Variants in S1PR5 observed in about 807,000 individuals in gnomAD.
S1PR5 encodes the protein sphingosine 1-phosphate receptor 5.
For synonymous variants in S1PR5, 307 were observed against 284.7 expected, an observed-to-expected ratio of 1.08 and a Z score of -0.79; for missense variants, 583 against 571.7, an observed-to-expected ratio of 1.02 and a Z score of -0.20.
At position 10,514,973 on chromosome 19, in the gene S1PR5, C is replaced by T; in HGVS notation, c.39G>A (p.Glu13=). 2 of 1,586,328 alleles carry T rather than the reference C, an allele frequency of 1.3e-6. No homozygotes were observed. The highest frequency in any genetic ancestry group is 1.7e-6 in the Non-Finnish European group (2 of 1,169,126). ...TGTAGTTGTAATGCAGGACGATGAC[C>T]TCGCTCACCGGCGCCGGCCGCAGCA... ...SGLLRPAPVS[E]VIVLHYNYTG... The change falls in exon 2 of 2, where the codon GAG becomes GAA. Residue 13 remains glutamate (E), a synonymous_variant. Transcript: ENST00000333430.
At chr19:10,516,164 G>A (rs1915432887) in intron 1 of S1PR5, among the ~76,000 whole-genome samples, 1 of 152,008 alleles carries the variant, frequency 6.6e-6, no homozygotes, top group Non-Finnish European at 1.5e-5. Flanking sequence ...CGAATACAGG[G>A]TCTCCCACCC....
rs1915315914 is a variant in S1PR5 at position 10,512,924 on chromosome 19, AAAAAGAAAG to A, written c.*882_*890del. The A allele has an allele frequency of 9.1e-6, 1 of 109,656 alleles. No individual in the cohort carries two copies. Among genetic ancestry groups the A allele is most frequent in the Non-Finnish European group, 1.9e-5 (1 of 53,000 alleles). 6.8% of individuals were successfully genotyped at this position (109,656 alleles called of 1,614,324 possible). ...CACAAGATCCCAACTCAAAAAAAAA[AAAAAGAAAG>A]AAAGAAAGAAAAGAAAAATAAAAAA... On this transcript the variant is annotated 3_prime_UTR_variant, in exon 2 of 2. Transcript: ENST00000333430.
chr19:10,514,821 T>C lies in S1PR5; in HGVS notation c.191A>G (p.His64Arg). 1 of 1,612,854 alleles carries C rather than the reference T, an allele frequency of 6.2e-7. No homozygotes were observed. The highest frequency in any genetic ancestry group is 8.5e-7 in the Non-Finnish European group (1 of 1,179,672). Residue 64 changes from histidine (H) to arginine (R), a missense_variant, in exon 2 of 2, where the codon CAC becomes CGC. Transcript: ENST00000333430. ...NLAVLLVLGR[H>R]PRFHAPMFLL... ...GAACATGGGAGCGTGGAAGCGCGGG[T>C]GGCGTCCGAGCACCAACAACACGGC...
Position 10,514,346 on chromosome 19 carries a change from G to A in S1PR5, c.666C>T (p.Asn222=), listed in dbSNP as rs1187276179. ...YARIYCQVRA[N]ARRLPARPGT... The stretch of plus-strand genomic sequence containing the variant: ...CGGGCCGTGCCGGCAGGCGCCGCGC[G>A]TTGGCGCGTACCTGGCAGTAGATGC... Residue 222 remains asparagine (N), a synonymous_variant, in exon 2 of 2, where the codon AAC becomes AAT. Transcript: ENST00000333430. The A allele has an allele frequency of 1.9e-6, 3 of 1,568,992 alleles. No homozygotes were observed. The highest frequency in any genetic ancestry group is 1.2e-5 in the South Asian group (1 of 86,078).
rs1212271663 is a variant in S1PR5 at position 10,514,021 on chromosome 19, C to T, written c.991G>A (p.Asp331Asn). ...VCCGRHSCGRDPSGSQQSASA... is the reference protein window; with the variant it reads ...VCCGRHSCGRNPSGSQQSASA... Reference sequence around the variant, plus strand: ...GCCGACTGCTGGGAGCCACTCGGGTCTCTGCCGCAGGAGTGGCGTCCGCAG... The same window carrying T: ...GCCGACTGCTGGGAGCCACTCGGGTTTCTGCCGCAGGAGTGGCGTCCGCAG... Residue 331 changes from aspartate to asparagine, a missense_variant, in exon 2 of 2, where the codon GAC becomes AAC. By Grantham distance (23) the Asp-to-Asn change is conservative (BLOSUM62 1). Coordinates refer to ENST00000333430, the MANE Select transcript of S1PR5 (RefSeq NM_030760.5). 1 of 1,609,884 alleles carries T rather than the reference C, an allele frequency of 6.2e-7. No homozygotes were observed. The highest frequency in any genetic ancestry group is 1.7e-5 in the Admixed American group (1 of 59,802).
At chr19:10,517,519 G>A, upstream of S1PR5, 1 of 985,596 alleles carries the variant, frequency 1.0e-6, no homozygotes, top group Non-Finnish European at 1.2e-6. Context: ...CAAAGGGCCG[G>A]CGGTCGCCAG....
At position 10,514,072 on chromosome 19, in the gene S1PR5, G is replaced by T. The variant is rs767212007; in HGVS notation, c.940C>A (p.Arg314Ser). 12 of 1,612,410 alleles carry T rather than the reference G, an allele frequency of 7.4e-6. No individual in the cohort carries two copies. The highest frequency in any genetic ancestry group is 2.2e-5 in the East Asian group (1 of 44,876). Residue 314 changes from arginine to serine, a missense_variant, in exon 2 of 2, where the codon CGC (arginine) becomes AGC (serine). Physicochemically the swap from Arg to Ser is moderately radical, Grantham distance 110 (BLOSUM62 -1). Coordinates refer to ENST00000333430, the MANE Select transcript of S1PR5 (RefSeq NM_030760.5). ...CAGACCAGGCGCAGGAGCGCGTGGC[G>T]CAGGTCGCGGTTGGTGAGCGTGTAG... ...IIYTLTNRDL[R>S]HALLRLVCCG...
chr19:10,516,269 T>C (rs1342188471), intron 1 of S1PR5, among the ~76,000 whole-genome samples: 1 of 151,926 alleles, frequency 6.6e-6, no homozygotes. Context: ...ATACAAAGCT[T>C]TTTCCTGCCA....
At chr19:10,517,788 G>A, upstream of S1PR5, 1 of 805,346 alleles carries the variant, frequency 1.2e-6, no homozygotes, top group Non-Finnish European at 1.5e-6. Context: ...TCTGTCCTGG[G>A]TGTCCGGGCA....
In S1PR5 at chr19:10,514,211, G is replaced by T. The variant is rs757961415; in HGVS notation, c.801C>A (p.Leu267=). The T allele has an allele frequency of 1.9e-6, 3 of 1,611,198 alleles. No individual in the cohort carries two copies. Among genetic ancestry groups the T allele is most frequent in the South Asian group, 1.1e-5 (1 of 90,922 alleles). Residue 267 remains leucine, a synonymous_variant, in exon 2 of 2, where the codon CTC becomes CTA. Transcript: ENST00000333430. ...CCACGTCGAGCAACAGCAGCAGGAA[G>T]AGGGGGCCCCAACATGCCACAAAGG... ...LLAFVACWGP[L]FLLLLLDVAC... is the part of the protein sequence containing the mutation.
In S1PR5 at chr19:10,512,924, AAAAAG is replaced by A. The variant is rs1406743727; in HGVS notation, c.*886_*890del. On this transcript the variant is annotated 3_prime_UTR_variant, in exon 2 of 2. Coordinates refer to ENST00000333430, the MANE Select transcript of S1PR5 (RefSeq NM_030760.5). Reference sequence around the variant, plus strand: ...CACAAGATCCCAACTCAAAAAAAAAAAAAAGAAAGAAAGAAAGAAAAGAAAAATAA... The same window carrying A: ...CACAAGATCCCAACTCAAAAAAAAAAAAAGAAAGAAAGAAAAGAAAAATAA... The A allele has an allele frequency of 7.3e-5, 8 of 109,728 alleles. No individual in the cohort carries two copies. The highest frequency in any genetic ancestry group is 1.1e-4 in the Non-Finnish European group (6 of 52,988). The allele number at this position is 109,728 out of a possible 1,614,324, so 6.8% of individuals were successfully genotyped here.
Position 10,513,846 on chromosome 19 carries a change from CG to C in S1PR5, c.1165del (p.Arg389GlyfsTer70). On this transcript the variant is annotated frameshift_variant, in exon 2 of 2. Transcript: ENST00000333430. LOFTEE classifies it low-confidence loss of function (END_TRUNC). ...TGSPGAPTAA[R>X]TLVSEPAAD ...TGCAGCCGGTTCTGATACCAGAGTC[CG>C]GGCGGCTGTGGGTGCACCGGGGCTG... The C allele has an allele frequency of 1.2e-6, 2 of 1,612,580 alleles. No individual in the cohort carries two copies. Among genetic ancestry groups the C allele is most frequent in the Non-Finnish European group, 1.7e-6 (2 of 1,179,820 alleles).
rs1915352491 is a variant in S1PR5, at chr19:10,513,998, C to T, written c.1014G>A (p.Ser338=). ...CCCCGGAAGCCTCAGCCGCGCTCGCCGACTGCTGGGAGCCACTCGGGTCTC... is the reference window on the plus strand; with the variant it reads ...CCCCGGAAGCCTCAGCCGCGCTCGCTGACTGCTGGGAGCCACTCGGGTCTC... ...CGRDPSGSQQ[S]ASAAEASGGL... Residue 338 remains serine (S), a synonymous_variant, in exon 2 of 2, where the codon TCG becomes TCA. Coordinates refer to ENST00000333430, the MANE Select transcript of S1PR5 (RefSeq NM_030760.5). 6.2e-7 allele frequency: 1 copy of T among 1,603,744 alleles called. No individual in the cohort carries two copies. The highest frequency in any genetic ancestry group is 8.5e-7 in the Non-Finnish European group (1 of 1,176,254).
chr19:10,513,884 G>T lies in S1PR5; in HGVS notation c.1128C>A (p.Ser376Arg). Residue 376 changes from serine (S) to arginine (R), a missense_variant, in exon 2 of 2, where the codon AGC becomes AGA. Transcript: ENST00000333430. The part of the protein sequence containing the change: ...SSPQRDGLDT[S>R]GSTGSPGAPT... ...GTGCACCGGGGCTGCCTGTGGAGCC[G>T]CTGGTGTCCAGCCCGTCGCGCTGGG... is the stretch of plus-strand genomic sequence containing the variant. 6.2e-7 allele frequency: 1 copy of T among 1,611,272 alleles called. No homozygotes were observed.
chr19:10,515,782 G>A (rs189572214), intron 1 of S1PR5, among the ~76,000 whole-genome samples: 5 of 152,018 alleles, frequency 3.3e-5, no homozygotes, highest in Admixed American at 6.6e-5. Context: ...TAGCCGGGAC[G>A]TGTTGGTGTA....
rs759205375 is a variant in S1PR5, at chr19:10,514,382, T to C, written c.630A>G (p.Ala210=). 6.3e-7 allele frequency: 1 copy of C among 1,599,298 alleles called. No homozygotes were observed. Among genetic ancestry groups the C allele is most frequent in the Non-Finnish European group, 8.5e-7 (1 of 1,174,112 alleles). ...CCTGGCAGTAGATGCGCGCGTAGAGTGCACAGATAGCGGCCAGGATGCCCA... is the reference window on the plus strand; with the variant it reads ...CCTGGCAGTAGATGCGCGCGTAGAGCGCACAGATAGCGGCCAGGATGCCCA... The part of the protein sequence containing the change: ...AFVGILAAIC[A]LYARIYCQVR... Residue 210 remains alanine, a synonymous_variant, in exon 2 of 2, where the codon GCA becomes GCG. Transcript: ENST00000333430.
At chr19:10,516,767 T>C (rs1915448110) in intron 1 of S1PR5, among the ~76,000 whole-genome samples, 1 of 152,116 alleles carries the variant, frequency 6.6e-6, no homozygotes, top group Non-Finnish European at 1.5e-5. Context: ...TCTGTGACCT[T>C]ATTAATCCCC....
At position 10,513,430 on chromosome 19, in the gene S1PR5, A is replaced by C. The variant is rs757633913; in HGVS notation, c.*385T>G. 4.6e-5 allele frequency: 22 copies of C among 473,852 alleles called. No homozygotes were observed. The highest frequency in any genetic ancestry group is 7.8e-5 in the Admixed American group (2 of 25,788). 29.4% of individuals were successfully genotyped at this position (473,852 alleles called of 1,614,324 possible). ...TTCTTAGAACACATGGGCACATTTC[A>C]GCCTCAGGGCCTTTGCGCATGCCAT... On this transcript the variant is annotated 3_prime_UTR_variant, in exon 2 of 2. Coordinates refer to ENST00000333430, the MANE Select transcript of S1PR5 (RefSeq NM_030760.5).
chr19:10,516,396 A>T (rs1389387292), intron 1 of S1PR5, among the ~76,000 whole-genome samples: 1 of 152,062 alleles, frequency 6.6e-6, no homozygotes, highest in African/African-American at 2.4e-5. Context: ...ACTTGAGCCC[A>T]GGAGTTCGAC....
Sources: gnomAD v4.1 joint callset for allele counts (sites outside exome capture counted in the v4.1 genomes callset) on GRCh38, gnomAD v4.1.1 for gene constraint, MANE v1.5 for transcripts, NCBI Gene and HGNC (gene_info 2026-07-23, HGNC 2026-07-21) for gene names.